Variants in TTN observed in about 807,000 individuals in gnomAD.
TTN encodes the protein titin, also known as connectin.
TTN carries 1,525 observed loss-of-function variants against 3,223.0 expected under a neutral mutation model. The observed-to-expected ratio is 0.47, with a 90% CI of 0.45 to 0.49. The LOEUF (loss-of-function observed/expected upper bound fraction) is 0.49, where lower values mean the gene tolerates loss of function less well. Among genes scored for constraint, TTN ranks in the 20% least tolerant of loss-of-function variants. TTN has a pLI of 0.00. For synonymous variants in TTN, 14,094 were observed against 15,161.0 expected (o/e 0.93, Z 5.17); for missense variants, 40,786 against 43,424.0 (o/e 0.94, Z 5.40).
chr2:178,684,883 GAATAA>G lies in TTN; in HGVS notation c.32554+18_32554+22del, dbSNP rs1457326282. On this transcript the variant is annotated intron_variant, in intron 130 of 362. Transcript: ENST00000589042. ...TAAGATTAAAAAAAGACAGTCTTGAGAATAAAATAAAATCCAATATACCTTTAGGT... is the reference window on the plus strand; with the variant it reads ...TAAGATTAAAAAAAGACAGTCTTGAGAATAAAATCCAATATACCTTTAGGT... 4 of 1,576,442 alleles carry G rather than the reference GAATAA, an allele frequency of 2.5e-6. No individual in the cohort carries two copies. In the African/African-American group the frequency reaches 5.4e-5, roughly 21 times the overall value.
At position 178,599,807 on chromosome 2, in the gene TTN, T is replaced by C. The variant is rs555808382; in HGVS notation, c.56094A>G (p.Glu18698=). The change falls in exon 289 of 363, where the codon GAA becomes GAG. Residue 18698 remains glutamate (E), a synonymous_variant. Coordinates refer to ENST00000589042, the MANE Select transcript of TTN (RefSeq NM_001267550.2). The part of the protein sequence containing the change: ...IDLKEFMEVE[E]GTNVNIVAKI... ...TGGCCACAATGTTAACATTGGTTCCTTCTTCAACCTCCATGAATTCTTTTA... is the reference window on the plus strand; with the variant it reads ...TGGCCACAATGTTAACATTGGTTCCCTCTTCAACCTCCATGAATTCTTTTA... The C allele has an allele frequency of 1.9e-5, 30 of 1,603,712 alleles. No homozygotes were observed. Among genetic ancestry groups the C allele is most frequent in the Middle Eastern group, 1.7e-4 (1 of 6,006 alleles).
At chr2:178,743,414 GA>G (rs2154320936) in intron 47 of TTN, among the ~76,000 whole-genome samples, 1 of 151,920 alleles carries the variant, frequency 6.6e-6, no homozygotes, top group African/African-American at 2.4e-5. Flanking sequence ...CATTATCTAT[GA>G]CAATTAAAGT....
rs1275740587 is a variant in TTN, at chr2:178,555,160, A to G, written c.88307-8T>C. ...AATCAATTACAGGACCACCTGCAAG[A>G]AAAACAGATGAGAAATATTTAAAAT... On this transcript the variant is annotated splice_polypyrimidine_tract_variant and splice_region_variant and intron_variant, in intron 330 of 362. Transcript: ENST00000589042. 1.9e-6 allele frequency: 3 copies of G among 1,596,574 alleles called. No homozygotes were observed. Among genetic ancestry groups the G allele is most frequent in the African/African-American group, 2.7e-5 (2 of 73,662 alleles).
chr2:178,797,704 A>T (rs773732443), intron 6 of TTN, among the ~76,000 whole-genome samples: 1 of 152,118 alleles, frequency 6.6e-6, no homozygotes. Context: ...GGCAGAGGCA[A>T]TGAAGTACCT....
chr2:178,550,696 G>A (rs757945417), intron 336 of TTN: 4 of 471,800 alleles, frequency 8.5e-6, no homozygotes, highest in Non-Finnish European at 1.5e-5. Context: ...TTTTCTTTAT[G>A]TACTGTTAAG....
In TTN at chr2:178,715,117, T is replaced by C. The variant is rs755911258; in HGVS notation, c.26069A>G (p.Lys8690Arg). 2 of 1,613,740 alleles carry C rather than the reference T, an allele frequency of 1.2e-6. No homozygotes were observed. The highest frequency in any genetic ancestry group is 1.7e-6 in the Non-Finnish European group (2 of 1,179,728). Reference protein sequence around the residue: ...KRELRSGKKYKIMSENFLTSI... With the variant: ...KRELRSGKKYRIMSENFLTSI... The stretch of plus-strand genomic sequence containing the variant: ...GGTTAGGAAGTTCTCAGACATTATC[T>C]TGTACTTCTTGCCGCTCCTAAGTTC... The change falls in exon 90 of 363, where the codon AAG (lysine) becomes AGG (arginine). Residue 8690 changes from lysine (K) to arginine (R), a missense_variant. Lys to Arg is a conservative substitution (Grantham distance 26). Transcript: ENST00000589042.
intron 22 of TTN, among the ~76,000 whole-genome samples, chr2:178,779,683 G>T (rs889082998): frequency 1.3e-5 from 2 of 152,160 alleles, no homozygotes; most frequent in Admixed American, 6.5e-5. Flanking sequence ...TTAGATTTGG[G>T]TTAGAGGTTA....
Position 178,715,210 on chromosome 2 carries a change from T to A in TTN, c.25976A>T (p.Asp8659Val), listed in dbSNP as rs1276014518. Reference protein sequence around the residue: ...PHPIETLKGADVHLECELQGT... With the variant: ...PHPIETLKGAVVHLECELQGT... ...CTGAAGCTCACATTCAAGGTGAACA[T>A]CAGCTCCTTTCAGTGTCTCTATAGG... Residue 8659 changes from aspartate (D) to valine (V), a missense_variant, in exon 90 of 363, where the codon GAT becomes GTT. Coordinates refer to ENST00000589042, the MANE Select transcript of TTN (RefSeq NM_001267550.2). 4 of 1,613,686 alleles carry A rather than the reference T, an allele frequency of 2.5e-6. No homozygotes were observed. The highest frequency in any genetic ancestry group is 3.4e-6 in the Non-Finnish European group (4 of 1,179,680).
chr2:178,746,347 T>C, intron 47 of TTN: 1 of 1,612,416 alleles, frequency 6.2e-7, no homozygotes, highest in Non-Finnish European at 8.5e-7. Context: ...CAAAATTAAA[T>C]GGAAGAACAT....
rs1035017342 is a variant in TTN at position 178,773,443 on chromosome 2, T to C, written c.7594+19A>G. ...TAGAATGCTTAAAGTAATTATTAGA[T>C]AGGTAGAATAATCCTTACTTTCTAC... On this transcript the variant is annotated intron_variant, in intron 32 of 362. Coordinates refer to ENST00000589042, the MANE Select transcript of TTN (RefSeq NM_001267550.2). The C allele has an allele frequency of 3.1e-6, 5 of 1,613,858 alleles. No individual in the cohort carries two copies. In the African/African-American group the frequency reaches 6.7e-5, roughly 22 times the overall value.
rs1181953856 is a variant in TTN at position 178,727,206 on chromosome 2, T to A, written c.20159A>T (p.Asp6720Val). The change falls in exon 69 of 363, where the codon GAC becomes GTC. Residue 6720 changes from aspartate to valine, a missense_variant. Coordinates refer to ENST00000589042, the MANE Select transcript of TTN (RefSeq NM_001267550.2). ...ASDKYRMTFI[D>V]SVAVIQMNNL... Reference sequence around the variant, plus strand: ...GTTCATCTGTATGACGGCCACTGAGTCAATGAAAGTCATTCTGTACTTATC... The same window carrying A: ...GTTCATCTGTATGACGGCCACTGAGACAATGAAAGTCATTCTGTACTTATC... The A allele has an allele frequency of 6.2e-7, 1 of 1,613,268 alleles. No individual in the cohort carries two copies. Among genetic ancestry groups the A allele is most frequent in the Admixed American group, 1.7e-5 (1 of 59,954 alleles).
In TTN at chr2:178,611,443, C is replaced by G. The variant is rs1247385443; in HGVS notation, c.50786G>C (p.Arg16929Thr). 3 of 1,612,910 alleles carry G rather than the reference C, an allele frequency of 1.9e-6. No homozygotes were observed. Among genetic ancestry groups the G allele is most frequent in the Middle Eastern group, 1.7e-4 (1 of 6,048 alleles). Residue 16929 changes from arginine (R) to threonine (T), a missense_variant, in exon 269 of 363, where the codon AGA (arginine) becomes ACA (threonine). Physicochemically the swap from Arg to Thr is moderately conservative, Grantham distance 71 (BLOSUM62 -1). Transcript: ENST00000589042. ...GCTGACACCAATAGCATTGACTGCT[C>G]TCACTCTCAGGACATATTCTTTGTC... ...VPDKEYVLRV[R>T]AVNAIGVSEP... is the part of the protein sequence containing the mutation.
In TTN at chr2:178,718,020, C is replaced by T; in HGVS notation, c.24986G>A (p.Ser8329Asn). 7 of 1,613,806 alleles carry T rather than the reference C, an allele frequency of 4.3e-6. No homozygotes were observed. Among genetic ancestry groups the T allele is most frequent in the Non-Finnish European group, 5.9e-6 (7 of 1,179,710 alleles). Residue 8329 changes from serine to asparagine, a missense_variant, in exon 86 of 363, where the codon AGT (serine) becomes AAT (asparagine). Ser to Asn is a conservative substitution (Grantham distance 46, BLOSUM62 1). Coordinates refer to ENST00000589042, the MANE Select transcript of TTN (RefSeq NM_001267550.2). The part of the protein sequence containing the change: ...ASLVINKVDH[S>N]DVGEYSCKAD... ...CTTGCATGAATACTCTCCCACATCA[C>T]TGTGATCCACTTTGTTGATTACTAA...
chr2:178,704,596 C>G lies in TTN; in HGVS notation c.29876G>C (p.Arg9959Thr). The G allele has an allele frequency of 6.2e-7, 1 of 1,613,144 alleles. No homozygotes were observed. Among genetic ancestry groups the G allele is most frequent in the Non-Finnish European group, 8.5e-7 (1 of 1,179,430 alleles). ...ISIDGDRHTL[R>T]VKNCQLKDQG... The stretch of plus-strand genomic sequence containing the variant: ...GTCTTTAAGTTGACAGTTTTTGACT[C>G]TGAGTGTATGTCGGTCACCATCAAT... Residue 9959 changes from arginine to threonine, a missense_variant, in exon 105 of 363, where the codon AGA (arginine) becomes ACA (threonine). Coordinates refer to ENST00000589042, the MANE Select transcript of TTN (RefSeq NM_001267550.2).
chr2:178,605,402 C>T lies in TTN; in HGVS notation c.53881+12G>A. The stretch of plus-strand genomic sequence containing the variant: ...AATGCATTAAAATTATTATTATATT[C>T]AGATTCCGCACCTTCATCATCTTGT... On this transcript the variant is annotated intron_variant, in intron 279 of 362. Coordinates refer to ENST00000589042, the MANE Select transcript of TTN (RefSeq NM_001267550.2). The T allele has an allele frequency of 6.4e-7, 1 of 1,563,546 alleles. No individual in the cohort carries two copies. Among genetic ancestry groups the T allele is most frequent in the South Asian group, 1.2e-5 (1 of 81,682 alleles).
Position 178,571,036 on chromosome 2 carries a change from A to C in TTN, c.75096T>G (p.Tyr25032Ter). 1 of 1,612,558 alleles carries C rather than the reference A, an allele frequency of 6.2e-7. No individual in the cohort carries two copies. Among genetic ancestry groups the C allele is most frequent in the Non-Finnish European group, 8.5e-7 (1 of 1,178,826 alleles). ...AACCAGTGATCTTGCTTCCACCGTC[A>C]TAGGTGGGTTTCTTCCACTGAAGAG... The part of the protein sequence containing the change: ...SVTLQWKKPT[Y>*]DGGSKITGYI... Residue 25032 changes from tyrosine (Y) to a stop codon, truncating the protein, a stop_gained, in exon 326 of 363, where the codon TAT becomes TAG. Coordinates refer to ENST00000589042, the MANE Select transcript of TTN (RefSeq NM_001267550.2). LOFTEE classifies it high-confidence loss of function.
intron 326 of TTN, chr2:178,559,039 A>T (rs1051341672): frequency 3.1e-5 from 9 of 290,148 alleles, no homozygotes; most frequent in Non-Finnish European, 5.7e-5. Context: ...ATATATATAA[A>T]CATGTATACC....
In TTN at chr2:178,528,347, G is replaced by A; in HGVS notation, c.107304C>T (p.Asp35768=). 6.2e-7 allele frequency: 1 copy of A among 1,613,940 alleles called. No homozygotes were observed. Among genetic ancestry groups the A allele is most frequent in the South Asian group, 1.1e-5 (1 of 91,080 alleles). ...TGGCCTTAATTGTGTACTTTCCACTGTCGCTGACTGATGCATTTCGGATTT... is the reference window on the plus strand; with the variant it reads ...TGGCCTTAATTGTGTACTTTCCACTATCGCTGACTGATGCATTTCGGATTT... ...SLEIRNASVS[D]SGKYTIKAKN... The change falls in exon 361 of 363, where the codon GAC becomes GAT. Residue 35768 remains aspartate (D), a synonymous_variant. Coordinates refer to ENST00000589042, the MANE Select transcript of TTN (RefSeq NM_001267550.2).
rs757037792 is a variant in TTN at position 178,534,420 on chromosome 2, C to T, written c.102195G>A (p.Ser34065=). 107 of 1,611,708 alleles carry T rather than the reference C, an allele frequency of 6.6e-5. No homozygotes were observed. The highest frequency in any genetic ancestry group is 8.3e-5 in the Non-Finnish European group (98 of 1,179,806). Residue 34065 remains serine, a synonymous_variant, in exon 358 of 363, where the codon TCG becomes TCA. Coordinates refer to ENST00000589042, the MANE Select transcript of TTN (RefSeq NM_001267550.2). Reference sequence around the variant, plus strand: ...TCAACCATGGGTGCTGGAGAGCCTCCGATGCTGTCATGCGAGATTTCCTCT... The same window carrying T: ...TCAACCATGGGTGCTGGAGAGCCTCTGATGCTGTCATGCGAGATTTCCTCT... The part of the protein sequence containing the change: ...VKERKSRMTA[S]EALQHPWLKQ...
Sources: gnomAD v4.1 joint callset for allele counts (sites outside exome capture counted in the v4.1 genomes callset) on GRCh38, gnomAD v4.1.1 for gene constraint, MANE v1.5 for transcripts, NCBI Gene and HGNC (gene_info 2026-07-23, HGNC 2026-07-21) for gene names.